Variants in IREB2 observed in about 807,000 individuals in gnomAD.
IREB2 encodes iron responsive element binding protein 2, also known as iron-responsive element-binding protein 2.
In IREB2, 39 loss-of-function variants were observed where a neutral mutation model predicts 118.8. That is an observed-to-expected ratio of 0.33 (90% CI 0.25 to 0.43). The LOEUF (loss-of-function observed/expected upper bound fraction) is 0.43, where lower values mean the gene tolerates loss of function less well. Ranked by LOEUF, IREB2 falls within the 20% of genes least tolerant of loss-of-function variation. The probability of loss-of-function intolerance (pLI) is 1.00; values close to 1 mark genes in which losing one functional copy is unlikely to be tolerated. For missense variants in IREB2, 900 were observed against 1,147.3 expected, an observed-to-expected ratio of 0.78 and a Z score of 3.11; for synonymous variants, 372 against 392.2, an observed-to-expected ratio of 0.95 and a Z score of 0.61.
At chr15:78,496,578 A>C (rs2051841359) in intron 20 of IREB2, among the ~76,000 whole-genome samples, 1 of 150,856 alleles carries the variant, frequency 6.6e-6, no homozygotes, top group East Asian at 2.0e-4. Flanking sequence ...TATTCTTGTT[A>C]CTTTTTATTG....
chr15:78,481,673 G>C (rs2051575739), intron 10 of IREB2: 1 of 150,872 alleles, frequency 6.6e-6, no homozygotes, highest in South Asian at 2.1e-4. Context: ...CCTATTTTTT[G>C]TATTTTTAGT....
intron 7 of IREB2, among the ~76,000 whole-genome samples, chr15:78,472,752 G>T (rs546009774): frequency 5.7e-4 from 87 of 152,334 alleles, no homozygotes; most frequent in African/African-American, 1.9e-3. Flanking sequence ...TTGTTGAAAT[G>T]TGGCTACTAT....
At chr15:78,465,107 C>G in intron 3 of IREB2, 144 bp from the exon 4 acceptor site, 1 of 644,386 alleles carries the variant, frequency 1.6e-6, no homozygotes, top group Non-Finnish European at 2.5e-6. Context: ...ACAGGATACT[C>G]CTAACTTATA....
intron 2 of IREB2, among the ~76,000 whole-genome samples, chr15:78,447,730 G>A (rs1169838466): frequency 6.6e-6 from 1 of 152,166 alleles, no homozygotes; most frequent in African/African-American, 2.4e-5. Flanking sequence ...GATTACAGGC[G>A]TGAGCCACCA....
rs8032410 is a variant in IREB2, at chr15:78,490,631, A to C, written c.2194A>C (p.Ile732Leu). 7 of 1,614,088 alleles carry C rather than the reference A, an allele frequency of 4.3e-6. No individual in the cohort carries two copies. The Admixed American group carries it at 1.2e-4, about 27-fold the overall frequency. ...SFFDKLTKEP[I>L]ALQAIENAHV... The stretch of plus-strand genomic sequence containing the variant: ...TTTTACCTTCTAGACCAAAGAGCCA[A>C]TTGCACTCCAGGCTATTGAAAATGC... The change falls in exon 18 of 22, where the codon ATT becomes CTT. Residue 732 changes from isoleucine (I) to leucine (L), a missense_variant. By Grantham distance (5) the Ile-to-Leu change is conservative (BLOSUM62 2). Coordinates refer to ENST00000258886, the MANE Select transcript of IREB2 (RefSeq NM_004136.4).
At chr15:78,458,319 T>C (rs1238302961) in intron 2 of IREB2, among the ~76,000 whole-genome samples, 2 of 152,198 alleles carry the variant, frequency 1.3e-5, no homozygotes, top group East Asian at 3.8e-4. Flanking sequence ...TGATACAGGT[T>C]CATCAATTGT....
intron 6 of IREB2, among the ~76,000 whole-genome samples, 192 bp from the exon 7 acceptor site, chr15:78,471,549 A>G (rs2051377439): frequency 6.6e-6 from 1 of 152,206 alleles, no homozygotes; most frequent in Non-Finnish European, 1.5e-5. Flanking sequence ...TTTGACCTAA[A>G]TTAATTTTGT....
At chr15:78,445,104 A>G (rs1385021887) in intron 2 of IREB2, among the ~76,000 whole-genome samples, 1 of 150,280 alleles carries the variant, frequency 6.7e-6, no homozygotes, top group African/African-American at 2.4e-5. Context: ...TTATTTTTAT[A>G]CTTTCACTAT....
intron 10 of IREB2, among the ~76,000 whole-genome samples, chr15:78,482,779 G>T (rs866835525): frequency 6.7e-6 from 1 of 149,754 alleles, no homozygotes; most frequent in African/African-American, 2.5e-5. Flanking sequence ...ACGGAGTCTC[G>T]CTGTGTTACC....
rs771701977 is a variant in IREB2 at position 78,499,437 on chromosome 15, A to T, written c.*1294A>T. The T allele has an allele frequency of 5.9e-5, 9 of 152,164 alleles. No individual in the cohort carries two copies. The highest frequency in any genetic ancestry group is 2.6e-4 in the Admixed American group (4 of 15,278). The allele number at this position is 152,164 out of a possible 1,614,324, so 9.4% of individuals were successfully genotyped here. A position where few individuals can be genotyped will look rare whatever the true frequency, so the allele number is the denominator to read the frequency against. ...TGTAGTGATTTTTTTTCACATAGAT[A>T]TCTTTCTATGACCTAGTTAGTTACT... On this transcript the variant is annotated 3_prime_UTR_variant, in exon 22 of 22. Transcript: ENST00000258886.
At chr15:78,475,465 AT>A (rs1257214225) in intron 8 of IREB2, 1 of 152,152 alleles carries the variant, frequency 6.6e-6, no homozygotes, top group East Asian at 1.9e-4. Context: ...CCAATATATA[AT>A]TTTTTATTTA....
intron 2 of IREB2, among the ~76,000 whole-genome samples, chr15:78,460,762 A>G (rs2051183246): frequency 6.6e-6 from 1 of 152,186 alleles, no homozygotes; most frequent in African/African-American, 2.4e-5. Flanking sequence ...AAAATAAATC[A>G]TGAGTTCGTA....
At chr15:78,447,332 AT>A (rs778920348) in intron 2 of IREB2, among the ~76,000 whole-genome samples, 229 of 138,394 alleles carry the variant, frequency 1.7e-3, no homozygotes, top group Middle Eastern at 3.8e-3. Context: ...CACCTGGCTA[AT>A]TTTTTTTTTT....
chr15:78,448,250 T>C (rs1465743374), intron 2 of IREB2, among the ~76,000 whole-genome samples: 1 of 152,136 alleles, frequency 6.6e-6, no homozygotes, highest in Non-Finnish European at 1.5e-5. Context: ...GTTGAAGTGA[T>C]TCTCGTGCCT....
Position 78,490,441 on chromosome 15 carries a change from A to C in IREB2, c.2096A>C (p.Asn699Thr). 6.2e-7 allele frequency: 1 copy of C among 1,603,270 alleles called. No individual in the cohort carries two copies. The highest frequency in any genetic ancestry group is 8.5e-7 in the Non-Finnish European group (1 of 1,176,960). Residue 699 changes from asparagine (N) to threonine (T), a missense_variant, in exon 17 of 22, where the codon AAT becomes ACT. Physicochemically the swap from Asn to Thr is moderately conservative, Grantham distance 65. Transcript: ENST00000258886. Reference protein sequence around the residue: ...DKIEMGNKRWNSLEAPDSVLF... With the variant: ...DKIEMGNKRWTSLEAPDSVLF... ...TCACAGATGGGGAATAAACGGTGGA[A>C]TTCCTTAGAAGCACCGGATTCAGTT...
At chr15:78,462,781 A>G (rs758419222) in intron 2 of IREB2, 141 bp from the exon 3 acceptor site, 9 of 586,252 alleles carry the variant, frequency 1.5e-5, no homozygotes, top group Middle Eastern at 4.6e-4. Context: ...GTTACACTCT[A>G]GTTTGTCAGA....
intron 2 of IREB2, among the ~76,000 whole-genome samples, chr15:78,441,891 T>C (rs2050849959): frequency 6.6e-6 from 1 of 152,026 alleles, no homozygotes; most frequent in Non-Finnish European, 1.5e-5. Context: ...GGTTTTTATT[T>C]TATTTTATTT....
chr15:78,444,661 C>T (rs1018033067), intron 2 of IREB2, among the ~76,000 whole-genome samples: 2 of 152,118 alleles, frequency 1.3e-5, no homozygotes, highest in African/African-American at 4.8e-5. Flanking sequence ...AAGAACATTG[C>T]AGATGGTACA....
chr15:78,473,075 C>A (rs1050983530), intron 7 of IREB2, among the ~76,000 whole-genome samples, 167 bp from the exon 8 acceptor site: 6 of 152,142 alleles, frequency 3.9e-5, no homozygotes, highest in Admixed American at 1.3e-4. Context: ...CGAGTGGAAT[C>A]ATTTCTTTTG....
Sources: gnomAD v4.1 joint callset for allele counts (sites outside exome capture counted in the v4.1 genomes callset) on GRCh38, gnomAD v4.1.1 for gene constraint, MANE v1.5 for transcripts, NCBI Gene and HGNC (gene_info 2026-07-23, HGNC 2026-07-21) for gene names.